ZMYM4: variants seen among roughly 807,000 people sequenced by gnomAD.
ZMYM4 encodes zinc finger MYM-type protein 4.
ZMYM4 carries 31 observed loss-of-function variants against 183.2 expected under a neutral mutation model. The observed-to-expected ratio is 0.17, with a 90% CI of 0.13 to 0.23. The LOEUF is 0.23. Ranked by LOEUF, ZMYM4 falls within the 10% of genes least tolerant of loss-of-function variation. The pLI, the probability that ZMYM4 is intolerant of heterozygous loss-of-function variation, is 1.00. For missense variants in ZMYM4, 1,273 were observed against 1,840.3 expected (o/e 0.69, Z 5.64); for synonymous variants, 592 against 631.2 (o/e 0.94, Z 0.93).
At chr1:35,388,307 C>T (rs761086592) in intron 13 of ZMYM4, among the ~76,000 whole-genome samples, 1 of 152,150 alleles carries the variant, frequency 6.6e-6, no homozygotes, top group Non-Finnish European at 1.5e-5. Context: ...TGGGTTCAAG[C>T]GATTCTCCTG....
chr1:35,315,115 C>T (rs555266883), intron 1 of ZMYM4, among the ~76,000 whole-genome samples: 29 of 146,866 alleles, frequency 2.0e-4, no homozygotes, highest in Non-Finnish European at 2.5e-4. Flanking sequence ...CAGTAATGGG[C>T]TCTATTCTCT....
chr1:35,415,795 T>A, intron 28 of ZMYM4, 81 bp downstream of exon 28: 2 of 1,515,486 alleles, frequency 1.3e-6, no homozygotes, highest in Non-Finnish European at 8.9e-7. Context: ...GAAAGGTAAT[T>A]ATAAATGCTA....
intron 1 of ZMYM4, among the ~76,000 whole-genome samples, chr1:35,316,041 A>C (rs1203316831): frequency 6.6e-6 from 1 of 152,248 alleles, no homozygotes; most frequent in Non-Finnish European, 1.5e-5. Flanking sequence ...TTCAGTGTCC[A>C]TTATATAATA....
At chr1:35,369,479 A>G (rs1162218698) in intron 5 of ZMYM4, among the ~76,000 whole-genome samples, 1 of 152,154 alleles carries the variant, frequency 6.6e-6, no homozygotes, top group Admixed American at 6.5e-5. Context: ...ATTTTGGAGT[A>G]ATATATACTA....
chr1:35,326,356 T>A (rs933830929), intron 2 of ZMYM4, among the ~76,000 whole-genome samples: 1 of 151,936 alleles, frequency 6.6e-6, no homozygotes, highest in African/African-American at 2.4e-5. Flanking sequence ...TTTTGGTGAA[T>A]CAGCGAGTGA....
intron 1 of ZMYM4, among the ~76,000 whole-genome samples, chr1:35,281,244 A>G (rs1264096001): frequency 6.6e-6 from 1 of 152,000 alleles, no homozygotes; most frequent in East Asian, 1.9e-4. Context: ...AGATTGTGCC[A>G]CTGCACTCCA....
chr1:35,348,659 A>C (rs1322162075), intron 2 of ZMYM4, among the ~76,000 whole-genome samples: 1 of 152,248 alleles, frequency 6.6e-6, no homozygotes, highest in African/African-American at 2.4e-5. Flanking sequence ...ACGGTCTGTC[A>C]CTAAAGGAGA....
At chr1:35,411,344 A>G (rs992425879) in intron 26 of ZMYM4, among the ~76,000 whole-genome samples, 1 of 151,270 alleles carries the variant, frequency 6.6e-6, no homozygotes, top group African/African-American at 2.4e-5. Context: ...TTTAGTAGAG[A>G]TAGGGTTTCA....
intron 2 of ZMYM4, among the ~76,000 whole-genome samples, chr1:35,331,837 A>AATAC (rs1249815412): frequency 6.6e-6 from 1 of 150,516 alleles, no homozygotes; most frequent in Non-Finnish European, 1.5e-5. Flanking sequence ...TAAATAAATA[A>AATAC]AATTGTGGTA....
intron 5 of ZMYM4, among the ~76,000 whole-genome samples, chr1:35,365,266 T>C (rs1644045189): frequency 6.9e-6 from 1 of 145,578 alleles, no homozygotes; most frequent in Non-Finnish European, 1.5e-5. Context: ...TTTTTTTTAG[T>C]CTACCAATCT....
chr1:35,415,792 A>G, intron 28 of ZMYM4, 78 bp downstream of exon 28: 1 of 1,526,466 alleles, frequency 6.6e-7, no homozygotes, highest in Non-Finnish European at 8.8e-7. Flanking sequence ...GCAGAAAGGT[A>G]ATTATAAATG....
At chr1:35,291,823 A>G (rs1346287196) in intron 1 of ZMYM4, among the ~76,000 whole-genome samples, 1 of 151,866 alleles carries the variant, frequency 6.6e-6, no homozygotes, top group East Asian at 1.9e-4. Context: ...TTTTTAGTAG[A>G]TACAGGGTTT....
At chr1:35,288,509 G>A (rs958662919) in intron 1 of ZMYM4, among the ~76,000 whole-genome samples, 1 of 152,170 alleles carries the variant, frequency 6.6e-6, no homozygotes, top group Non-Finnish European at 1.5e-5. Context: ...TTTGGTAGAG[G>A]CCCTGCTCGT....
intron 2 of ZMYM4, among the ~76,000 whole-genome samples, chr1:35,336,335 T>G (rs1236803322): frequency 6.6e-6 from 1 of 152,114 alleles, no homozygotes; most frequent in African/African-American, 2.4e-5. Context: ...ATGTTGAACC[T>G]TGTGGTACCA....
At chr1:35,380,783 T>C (rs571907998) in intron 7 of ZMYM4, among the ~76,000 whole-genome samples, 10 of 152,312 alleles carry the variant, frequency 6.6e-5, no homozygotes, top group East Asian at 1.9e-4. Context: ...AATTAAATTA[T>C]TTAGATATGG....
At position 35,405,343 on chromosome 1, in the gene ZMYM4, ACTTTT is replaced by A. The variant is rs759466447; in HGVS notation, c.3701-24_3701-20del. ...TTTTCCGCACTTTTATTTTATTTAAACTTTTCTTTTATGTTTCTCTCCTTGTCAGG... is the reference window on the plus strand; with the variant it reads ...TTTTCCGCACTTTTATTTTATTTAAACTTTTATGTTTCTCTCCTTGTCAGG... On this transcript the variant is annotated intron_variant, in intron 24 of 29. Coordinates refer to ENST00000314607, the MANE Select transcript of ZMYM4 (RefSeq NM_005095.3). 7.0e-4 allele frequency: 1,102 copies of A among 1,583,106 alleles called. 1 individual carries two copies. The highest frequency in any genetic ancestry group is 8.9e-4 in the Non-Finnish European group (1,041 of 1,171,546).
At chr1:35,289,613 C>G (rs990459459) in intron 1 of ZMYM4, among the ~76,000 whole-genome samples, 1 of 152,156 alleles carries the variant, frequency 6.6e-6, no homozygotes, top group Non-Finnish European at 1.5e-5. Flanking sequence ...GGGTTCTCAA[C>G]GTTGGCACTG....
chr1:35,377,876 T>A (rs1644368070), intron 7 of ZMYM4, among the ~76,000 whole-genome samples: 1 of 152,228 alleles, frequency 6.6e-6, no homozygotes, highest in South Asian at 2.1e-4. Context: ...CACAAAATAT[T>A]TCTTTGTGGC....
chr1:35,277,173 C>T (rs759471577), intron 1 of ZMYM4, among the ~76,000 whole-genome samples: 4 of 151,962 alleles, frequency 2.6e-5, no homozygotes, highest in East Asian at 1.9e-4. Flanking sequence ...GCCACATCTC[C>T]GATAAATTAA....
Sources: gnomAD v4.1 joint callset for allele counts (sites outside exome capture counted in the v4.1 genomes callset) on GRCh38, gnomAD v4.1.1 for gene constraint, MANE v1.5 for transcripts, NCBI Gene and HGNC (gene_info 2026-07-23, HGNC 2026-07-21) for gene names.